Variants in HABP2 observed in about 807,000 individuals in gnomAD.
The protein encoded by HABP2 is hyaluronan binding protein 2.
A neutral mutation model predicts 66.5 loss-of-function variants in HABP2; 65 were observed. The observed-to-expected ratio is 0.98, with a 90% CI of 0.80 to 1.20. The LOEUF is 1.20. Among genes scored for constraint, HABP2 ranks in the 50% most tolerant of loss-of-function variants. The probability of loss-of-function intolerance (pLI) is 0.00; values close to 1 mark genes in which losing one functional copy is unlikely to be tolerated. For missense variants in HABP2, 786 were observed against 691.0 expected, an observed-to-expected ratio of 1.14 and a Z score of -1.54; for synonymous variants, 263 against 253.9, an observed-to-expected ratio of 1.04 and a Z score of -0.34.
At chr10:113,551,714 G>A (rs1463155019), upstream of HABP2, among the ~76,000 whole-genome samples, 1 of 152,166 alleles carries the variant, frequency 6.6e-6, no homozygotes, top group Non-Finnish European at 1.5e-5. Flanking sequence ...GCTGAGGCAG[G>A]AGAATCACTT....
At chr10:113,579,819 G>A (rs1592697638) in intron 7 of HABP2, among the ~76,000 whole-genome samples, 1 of 150,888 alleles carries the variant, frequency 6.6e-6, no homozygotes, top group Non-Finnish European at 1.5e-5. Flanking sequence ...GTCTCACTCT[G>A]TCACCCAGGC....
intron 2 of HABP2, among the ~76,000 whole-genome samples, chr10:113,567,829 G>T (rs1426899438): frequency 6.6e-6 from 1 of 152,172 alleles, no homozygotes; most frequent in Non-Finnish European, 1.5e-5. Context: ...TTTACTCCTG[G>T]CCACACAGCG....
At chr10:113,571,412 T>C (rs1409260551) in intron 2 of HABP2, among the ~76,000 whole-genome samples, 1 of 151,652 alleles carries the variant, frequency 6.6e-6, no homozygotes, top group African/African-American at 2.4e-5. Context: ...GGTCCAGGAG[T>C]GGGAGAGATA....
chr10:113,583,341 T>C lies in HABP2; in HGVS notation c.1220T>C (p.Ile407Thr). The change falls in exon 10 of 13, where the codon ATT (isoleucine) becomes ACT (threonine). Residue 407 changes from isoleucine (I) to threonine (T), a missense_variant. Ile to Thr is a moderately conservative substitution (Grantham distance 89). Transcript: ENST00000351270. Reference sequence around the variant, plus strand: ...AGCCACTACAATGAAAGAGATGAGATTCCCCACAATGATATTGGCAAGTTC... The same window carrying C: ...AGCCACTACAATGAAAGAGATGAGACTCCCCACAATGATATTGGCAAGTTC... ...KYSHYNERDE[I>T]PHNDIALLKL... is the part of the protein sequence containing the mutation. 1.3e-6 allele frequency: 2 copies of C among 1,567,432 alleles called. No homozygotes were observed. The highest frequency in any genetic ancestry group is 1.8e-6 in the Non-Finnish European group (2 of 1,139,406).
Position 113,585,836 on chromosome 10 carries a change from T to C in HABP2, c.1416T>C (p.Ile472=). The C allele has an allele frequency of 6.2e-7, 1 of 1,613,416 alleles. No homozygotes were observed. Among genetic ancestry groups the C allele is most frequent in the Non-Finnish European group, 8.5e-7 (1 of 1,179,298 alleles). Residue 472 remains isoleucine, a synonymous_variant, in exon 12 of 13, where the codon ATT becomes ATC. Coordinates refer to ENST00000351270, the MANE Select transcript of HABP2 (RefSeq NM_004132.5). The stretch of plus-strand genomic sequence containing the variant: ...TCCTGGATGCCAAAGTCAAGCTGAT[T>C]GCCAACACTTTGTGCAACTCCCGCC... The part of the protein sequence containing the change: ...RQLLDAKVKL[I]ANTLCNSRQL...
intron 1 of HABP2, among the ~76,000 whole-genome samples, chr10:113,556,972 G>A (rs1221666255): frequency 2.0e-5 from 3 of 151,966 alleles, no homozygotes; most frequent in Non-Finnish European, 4.4e-5. Context: ...TCTTCCTCTT[G>A]ACCAATGTGC....
chr10:113,578,380 A>G (rs1592696465), intron 6 of HABP2, among the ~76,000 whole-genome samples: 1 of 152,158 alleles, frequency 6.6e-6, no homozygotes, highest in South Asian at 2.1e-4. Flanking sequence ...CCCACCTTCC[A>G]TCAGTTCTTG....
In HABP2 at chr10:113,553,114, C is replaced by G. The variant is rs1844926704; in HGVS notation, c.-8C>G. On this transcript the variant is annotated 5_prime_UTR_variant, in exon 1 of 13. Transcript: ENST00000351270. ...TGAGAGGAAAACACAAGTCCTTAAA[C>G]TGCAAAGATGTTTGCCAGGATGTCT... 6.2e-7 allele frequency: 1 copy of G among 1,611,186 alleles called. No individual in the cohort carries two copies. Among genetic ancestry groups the G allele is most frequent in the Non-Finnish European group, 8.5e-7 (1 of 1,177,414 alleles).
In HABP2 at chr10:113,588,450, C is replaced by T; in HGVS notation, c.*81C>T. ...GCCTCATGGCCAACAATGGACACCT[C>T]CAGAGCCTCCAGGGGACCACACAGT... is the stretch of plus-strand genomic sequence containing the variant. On this transcript the variant is annotated 3_prime_UTR_variant, in exon 13 of 13. Coordinates refer to ENST00000351270, the MANE Select transcript of HABP2 (RefSeq NM_004132.5). 2.9e-6 allele frequency: 3 copies of T among 1,038,056 alleles called. 1 individual carries two copies. The South Asian group carries it at 4.8e-5, about 17-fold the overall frequency. 64.3% of individuals were successfully genotyped at this position (1,038,056 alleles called of 1,614,324 possible).
chr10:113,577,141 C>A lies in HABP2; in HGVS notation c.332-9C>A. On this transcript the variant is annotated splice_polypyrimidine_tract_variant and intron_variant, in intron 4 of 12. Transcript: ENST00000351270. ...CCAAATAATGTCTTATGTTATGGAT[C>A]TCCTACAGTGCAAAATACGTGCAAG... The A allele has an allele frequency of 4.1e-6, 6 of 1,478,284 alleles. No homozygotes were observed. Among genetic ancestry groups the A allele is most frequent in the Non-Finnish European group, 5.7e-6 (6 of 1,056,152 alleles). The allele number at this position is 1,478,284 out of a possible 1,614,324, so 91.6% of individuals were successfully genotyped here.
Position 113,584,246 on chromosome 10 carries a change from G to C in HABP2, c.1336G>C (p.Glu446Gln). 2 of 1,614,042 alleles carry C rather than the reference G, an allele frequency of 1.2e-6. No homozygotes were observed. Among genetic ancestry groups the C allele is most frequent in the Non-Finnish European group, 1.7e-6 (2 of 1,179,870 alleles). ...LPDGSFPSGS[E>Q]CHISGWGVTE... ...TGATGGGTCCTTTCCCTCTGGGAGTGAGTGCCACATCTCTGGCTGGGGTGT... is the reference window on the plus strand; with the variant it reads ...TGATGGGTCCTTTCCCTCTGGGAGTCAGTGCCACATCTCTGGCTGGGGTGT... The change falls in exon 11 of 13, where the codon GAG becomes CAG. Residue 446 changes from glutamate (E) to glutamine (Q), a missense_variant. Glu to Gln is a conservative substitution (Grantham distance 29, BLOSUM62 2). Coordinates refer to ENST00000351270, the MANE Select transcript of HABP2 (RefSeq NM_004132.5).
chr10:113,555,547 A>T (rs180695443), intron 1 of HABP2, among the ~76,000 whole-genome samples: 147 of 152,280 alleles, frequency 9.7e-4, no homozygotes, highest in African/African-American at 3.4e-3. Context: ...ATGAATTCAG[A>T]TCATGTAGCA....
At chr10:113,570,634 G>A (rs1362104125) in intron 2 of HABP2, among the ~76,000 whole-genome samples, 1 of 152,232 alleles carries the variant, frequency 6.6e-6, no homozygotes, top group Non-Finnish European at 1.5e-5. Context: ...GATCGCTACA[G>A]AGCTCATCAG....
chr10:113,561,626 C>T (rs945629025), intron 1 of HABP2, among the ~76,000 whole-genome samples: 1 of 152,084 alleles, frequency 6.6e-6, no homozygotes, highest in African/African-American at 2.4e-5. Context: ...ATCCAGCAAG[C>T]AGAAGATTTC....
At chr10:113,560,286 A>C (rs1043037765) in intron 1 of HABP2, among the ~76,000 whole-genome samples, 1 of 152,240 alleles carries the variant, frequency 6.6e-6, no homozygotes. Context: ...CTACGAAGGG[A>C]TGGAGTTGCA....
intron 2 of HABP2, among the ~76,000 whole-genome samples, chr10:113,571,906 A>T (rs7096084): frequency 2.0e-5 from 3 of 152,214 alleles, no homozygotes; most frequent in African/African-American, 7.2e-5. Context: ...GACAAGTTAC[A>T]TATGCAGACA....
chr10:113,582,454 T>A (rs1845558049), intron 9 of HABP2, among the ~76,000 whole-genome samples: 1 of 152,346 alleles, frequency 6.6e-6, no homozygotes, highest in East Asian at 1.9e-4. Context: ...TAGCAAGTGC[T>A]GAGTAAATAT....
intron 1 of HABP2, among the ~76,000 whole-genome samples, chr10:113,556,108 A>G (rs111602178): frequency 2.0e-5 from 3 of 152,362 alleles, no homozygotes; most frequent in African/African-American, 7.2e-5. Context: ...CTGGGCTTTT[A>G]AAACCCTAGA....
intron 1 of HABP2, among the ~76,000 whole-genome samples, chr10:113,558,577 T>C (rs1181270995): frequency 6.6e-6 from 1 of 152,194 alleles, no homozygotes; most frequent in African/African-American, 2.4e-5. Flanking sequence ...TCTCACGCTG[T>C]GTTTTCTGTT....
Sources: allele counts gnomAD v4.1 joint callset (sites outside exome capture counted in the v4.1 genomes callset), GRCh38; gene constraint gnomAD v4.1.1; transcripts MANE v1.5; gene names NCBI Gene and HGNC (gene_info 2026-07-23, HGNC 2026-07-21).